Variants in LRRC37B observed in about 807,000 individuals in gnomAD.
LRRC37B encodes leucine-rich repeat-containing protein 37B.
LRRC37B carries 28 observed loss-of-function variants against 98.3 expected under a neutral mutation model. That is an observed-to-expected ratio of 0.28 (90% CI 0.21 to 0.39). LRRC37B has a LOEUF of 0.39. Among genes scored for constraint, LRRC37B ranks in the 10% least tolerant of loss-of-function variants. The probability of loss-of-function intolerance (pLI) is 1.00; values close to 1 mark genes in which losing one functional copy is unlikely to be tolerated. For synonymous variants in LRRC37B, 364 were observed against 442.7 expected, an observed-to-expected ratio of 0.82 and a Z score of 2.23; for missense variants, 938 against 1,182.7, an observed-to-expected ratio of 0.79 and a Z score of 3.03.
At chr17:32,021,090 G>A (rs1910757183) in exon 1 of LRRC37B, 1 of 1,613,678 alleles carries the variant, frequency 6.2e-7, no homozygotes, top group African/African-American at 1.3e-5. Context: ...TAAGGGGCAT[G>A]AGCATCTCAG....
At chr17:32,020,833 G>C (rs1031622880), upstream of LRRC37B, 1 of 821,584 alleles carries the variant, frequency 1.2e-6, no homozygotes, top group African/African-American at 1.7e-5. Context: ...AAGCTCTGCC[G>C]TGCCCCCACC....
intron 7 of LRRC37B, among the ~76,000 whole-genome samples, chr17:32,045,203 A>G (rs2142260343): frequency 6.6e-6 from 1 of 152,292 alleles, no homozygotes; most frequent in South Asian, 2.1e-4. Flanking sequence ...TTGAATGCTC[A>G]AATTGTCCAG....
intron 11 of LRRC37B, chr17:32,050,953 C>T (rs1264648735): frequency 6.6e-6 from 1 of 152,202 alleles, no homozygotes; most frequent in Non-Finnish European, 1.5e-5. Context: ...ATTTAATAAG[C>T]TGGCACCCTT....
At chr17:32,021,466 T>C in exon 1 of LRRC37B, 1 of 1,614,054 alleles carries the variant, frequency 6.2e-7, no homozygotes, top group Non-Finnish European at 8.5e-7. Flanking sequence ...GCTGGAGAGC[T>C]GCCCCTGGGG....
exon 1 of LRRC37B, chr17:32,022,386 G>A: frequency 6.2e-7 from 1 of 1,613,818 alleles, no homozygotes; most frequent in Non-Finnish European, 8.5e-7. Context: ...CCTGACTGAA[G>A]CCACAGTTCA....
At chr17:32,040,677 G>A (rs1490018541) in intron 7 of LRRC37B, 12 of 779,916 alleles carry the variant, frequency 1.5e-5, no homozygotes, top group Non-Finnish European at 2.9e-5. Context: ...GAAGAACCCC[G>A]GCTACCCGCA....
At chr17:32,020,883 A>C, upstream of LRRC37B, 5 of 804,640 alleles carry the variant, frequency 6.2e-6, no homozygotes, top group Admixed American at 3.8e-5. Flanking sequence ...GAGTCCTGGG[A>C]CCACCCCGGT....
At chr17:32,035,116 G>A (rs1911211525) in intron 6 of LRRC37B, 135 bp downstream of exon 9, 1 of 671,034 alleles carries the variant, frequency 1.5e-6, no homozygotes, top group African/African-American at 1.9e-5. Context: ...AAAAGTTATT[G>A]GCAAAGAAAA....
chr17:32,022,824 T>C (rs756507695), exon 1 of LRRC37B: 1 of 1,613,480 alleles, frequency 6.2e-7, no homozygotes, highest in South Asian at 1.1e-5. Flanking sequence ...CTTCACCACC[T>C]TGTAAGAATC....
upstream of LRRC37B, among the ~76,000 whole-genome samples, chr17:32,007,709 G>C (rs1038047754): frequency 2.0e-5 from 3 of 151,432 alleles, no homozygotes; most frequent in East Asian, 5.8e-4. This position sits in a 1 kb window ranked among gnomAD's most constrained non-coding sequence, Gnocchi z 4.1. Flanking sequence ...CGGACCCATC[G>C]GGGGCTCCCC....
At chr17:32,041,537 GC>G in intron 7 of LRRC37B, 1 of 510,450 alleles carries the variant, frequency 2.0e-6, no homozygotes, top group Non-Finnish European at 3.8e-6. Context: ...ACTCACTGGT[GC>G]CCCCGCCCCG....
At chr17:32,021,067 T>A (rs758889527) in exon 1 of LRRC37B, 2 of 1,611,572 alleles carry the variant, frequency 1.2e-6, no homozygotes, top group South Asian at 1.1e-5. Flanking sequence ...AGACAGGGCA[T>A]GGCACACGCT....
At chr17:32,040,171 A>G (rs28649357) in intron 7 of LRRC37B, 31,466 of 165,900 alleles carry the variant, frequency 0.19, 3,824 homozygotes, top group African/African-American at 0.35. Context: ...TCTTTAAAGC[A>G]TATTGAAAAA....
At chr17:32,011,228 C>T (rs1426355790) in intron 1 of LRRC37B, among the ~76,000 whole-genome samples, 3 of 152,152 alleles carry the variant, frequency 2.0e-5, no homozygotes, top group Non-Finnish European at 2.9e-5. Flanking sequence ...AACCCCTGAC[C>T]TCGTGATCCG....
chr17:32,031,513 T>C (rs1911106575), intron 5 of LRRC37B, 55 bp downstream of exon 8: 5 of 816,516 alleles, frequency 6.1e-6, no homozygotes, highest in Middle Eastern at 4.5e-4. Flanking sequence ...TAAAAACTCA[T>C]ACAATTATTG....
At chr17:32,035,443 T>C in intron 6 of LRRC37B, 122 bp from the exon 10 acceptor site, 2 of 1,050,186 alleles carry the variant, frequency 1.9e-6, no homozygotes, top group Non-Finnish European at 2.8e-6. Context: ...AAATAAACTA[T>C]TGAAGTGGCT....
At chr17:32,022,614 G>A (rs1334551324) in exon 1 of LRRC37B, 3 of 1,613,972 alleles carry the variant, frequency 1.9e-6, no homozygotes, top group Admixed American at 3.3e-5. Context: ...TGAAGTCACA[G>A]GTCCACCTAC....
At chr17:32,046,162 A>G (rs1471828531) in intron 8 of LRRC37B, among the ~76,000 whole-genome samples, 1 of 152,230 alleles carries the variant, frequency 6.6e-6, no homozygotes, top group Non-Finnish European at 1.5e-5. Flanking sequence ...TGTAGTTTGT[A>G]AGCTGGTTTT....
At chr17:32,027,049 T>G (rs1175229233) in intron 2 of LRRC37B, among the ~76,000 whole-genome samples, 2 of 152,176 alleles carry the variant, frequency 1.3e-5, no homozygotes, top group Non-Finnish European at 2.9e-5. Flanking sequence ...TAAATTAAAT[T>G]AAATATAAAC....
Sources: allele counts gnomAD v4.1 joint callset (sites outside exome capture counted in the v4.1 genomes callset), GRCh38; gene constraint gnomAD v4.1.1; non-coding constraint Gnocchi (gnomAD v3.1); transcripts MANE v1.5; gene names NCBI Gene and HGNC (gene_info 2026-07-23, HGNC 2026-07-21).